The following WDFY4 variants were observed in gnomAD, a reference collection of about 807,000 sequenced individuals.
WDFY4 encodes the protein WD repeat- and FYVE domain-containing protein 4.
WDFY4 carries 169 observed loss-of-function variants against 351.9 expected under a neutral mutation model. The observed-to-expected ratio is 0.48, with a 90% CI of 0.42 to 0.55. The LOEUF (loss-of-function observed/expected upper bound fraction) is 0.55. Ranked by LOEUF, WDFY4 falls within the 20% of genes least tolerant of loss-of-function variation. The pLI is 0.00. For synonymous variants in WDFY4, 1,622 were observed against 1,574.6 expected (o/e 1.03, Z -0.71); for missense variants, 3,803 against 3,935.6 (o/e 0.97, Z 0.90).
At chr10:48,823,469 A>G in intron 35 of WDFY4, 2 of 1,187,050 alleles carry the variant, frequency 1.7e-6, no homozygotes, top group Non-Finnish European at 2.1e-6. Flanking sequence ...CTGACTGCAG[A>G]GTCACCCACA....
At chr10:48,971,386 C>T (rs1182379359) in intron 57 of WDFY4, among the ~76,000 whole-genome samples, 7 of 151,994 alleles carry the variant, frequency 4.6e-5, no homozygotes, top group African/African-American at 9.7e-5. Context: ...GTCCCATCTA[C>T]TCAGGAGACT....
At chr10:48,859,885 A>G (rs907001256) in intron 39 of WDFY4, among the ~76,000 whole-genome samples, 5 of 152,226 alleles carry the variant, frequency 3.3e-5, no homozygotes, top group Non-Finnish European at 7.4e-5. Flanking sequence ...TACAGCAGCT[A>G]TAAGGCTATG....
At chr10:48,978,438 C>T (rs1842670194) in intron 60 of WDFY4, 45 bp downstream of exon 60, 1 of 1,497,294 alleles carries the variant, frequency 6.7e-7, no homozygotes, top group East Asian at 2.5e-5. Context: ...CTTGCCCTGC[C>T]CTCCTCACCT....
chr10:48,689,728 G>T (rs771931135), intron 1 of WDFY4, among the ~76,000 whole-genome samples: 5 of 152,136 alleles, frequency 3.3e-5, no homozygotes, highest in Non-Finnish European at 5.9e-5. Flanking sequence ...ATGGATGAGA[G>T]GTAGGAGAAG....
chr10:48,851,780 C>T (rs1256887739), intron 39 of WDFY4, among the ~76,000 whole-genome samples: 1 of 152,212 alleles, frequency 6.6e-6, no homozygotes, highest in Admixed American at 6.5e-5. Context: ...GTGCCCCAGG[C>T]AAAGGTGGGT....
chr10:48,698,413 C>T (rs1002149945), intron 1 of WDFY4, among the ~76,000 whole-genome samples: 13 of 152,196 alleles, frequency 8.5e-5, no homozygotes, highest in African/African-American at 3.1e-4. Context: ...GTGGGTGGGC[C>T]TTGCCTGTGC....
intron 1 of WDFY4, among the ~76,000 whole-genome samples, chr10:48,685,395 C>G (rs531872890): frequency 5.3e-5 from 8 of 152,296 alleles, no homozygotes; most frequent in African/African-American, 1.9e-4. Context: ...GCGGAGAGAG[C>G]AGGCCGACAG....
intron 47 of WDFY4, chr10:48,913,440 T>C (rs777114763): frequency 6.2e-6 from 10 of 1,613,450 alleles, no homozygotes; most frequent in Admixed American, 5.0e-5. Flanking sequence ...TGAGATCAGA[T>C]TGGGAAAGAT....
chr10:48,751,571 T>C (rs973715033), intron 12 of WDFY4, among the ~76,000 whole-genome samples: 3 of 152,124 alleles, frequency 2.0e-5, no homozygotes, highest in African/African-American at 7.2e-5. Flanking sequence ...GACTGGTTGG[T>C]GCTAGTCCCT....
At chr10:48,792,421 G>A (rs2066715472) in intron 23 of WDFY4, among the ~76,000 whole-genome samples, 2 of 152,138 alleles carry the variant, frequency 1.3e-5, no homozygotes, top group African/African-American at 4.8e-5. Context: ...CTCTTTGCTG[G>A]TGTATTACTG....
intron 2 of WDFY4, among the ~76,000 whole-genome samples, chr10:48,711,047 C>T (rs563761935): frequency 1.1e-4 from 16 of 152,334 alleles, no homozygotes; most frequent in African/African-American, 3.1e-4. Context: ...CTACTTTTCA[C>T]GTTTGAAAGT....
intron 47 of WDFY4, among the ~76,000 whole-genome samples, chr10:48,931,453 C>T (rs1839999507): frequency 6.6e-6 from 1 of 152,208 alleles, no homozygotes; most frequent in Non-Finnish European, 1.5e-5. Flanking sequence ...CTCAGCCAGC[C>T]ACAGAGGGCC....
In WDFY4 at chr10:48,796,311, T is replaced by C; in HGVS notation, c.4271T>C (p.Leu1424Pro). ...TAACCTTTTCAGATAATGGCGTTTC[T>C]CCTGAGGAAGAAGGCCTCTCTCCTG... ...HICGYQIMAF[L>P]LRKKASLLNH... The change falls in exon 24 of 62, where the codon CTC becomes CCC. Residue 1424 changes from leucine to proline, a missense_variant. Transcript: ENST00000325239. The C allele has an allele frequency of 1.3e-6, 2 of 1,552,096 alleles. No homozygotes were observed. Among genetic ancestry groups the C allele is most frequent in the Non-Finnish European group, 1.7e-6 (2 of 1,147,008 alleles).
chr10:48,956,157 T>A (rs573848946), intron 51 of WDFY4, among the ~76,000 whole-genome samples: 2 of 152,272 alleles, frequency 1.3e-5, no homozygotes, highest in South Asian at 4.2e-4. Flanking sequence ...GCTGAAGAGT[T>A]TGACAATTCA....
At chr10:48,826,601 ACTGGAT>A (rs2068019920) in intron 35 of WDFY4, 64 bp from the exon 36 acceptor site, 3 of 1,227,500 alleles carry the variant, frequency 2.4e-6, no homozygotes, top group Non-Finnish European at 3.5e-6. Flanking sequence ...TTTGTGGTAA[ACTGGAT>A]CTGTATCTAA....
intron 47 of WDFY4, among the ~76,000 whole-genome samples, chr10:48,904,952 G>A (rs1837541544): frequency 6.6e-6 from 1 of 152,122 alleles, no homozygotes; most frequent in South Asian, 2.1e-4. Flanking sequence ...GCCACACATG[G>A]TTCCACGCAG....
chr10:48,694,623 C>T (rs973234706), intron 1 of WDFY4, among the ~76,000 whole-genome samples: 26 of 152,152 alleles, frequency 1.7e-4, no homozygotes, highest in African/African-American at 6.0e-4. Context: ...AGGACCGCTC[C>T]GTGAGACAAG....
At chr10:48,847,540 C>T (rs2068817797) in intron 39 of WDFY4, among the ~76,000 whole-genome samples, 1 of 152,002 alleles carries the variant, frequency 6.6e-6, no homozygotes, top group Admixed American at 6.6e-5. Flanking sequence ...TCTTGCCCTG[C>T]CTGAGGGGGT....
In WDFY4 at chr10:48,795,123, C is replaced by T. The variant is rs536841086; in HGVS notation, c.4258-1175C>T. Among the ~76,000 whole-genome samples the T allele has an allele frequency of 7.9e-5, 12 of 152,102 alleles. No homozygotes were observed. In the South Asian group the frequency reaches 2.5e-3, roughly 32 times the overall value. Reference sequence around the variant, plus strand: ...CCTTGAGATGGTGACCAGTAGGATCCAGAGACCAGGTAGATCGGAGACTCT... The same window carrying T: ...CCTTGAGATGGTGACCAGTAGGATCTAGAGACCAGGTAGATCGGAGACTCT... On this transcript the variant is annotated intron_variant, in intron 23 of 61. Coordinates refer to ENST00000325239, the MANE Select transcript of WDFY4 (RefSeq NM_001394531.1).
Sources: allele counts gnomAD v4.1 joint callset (sites outside exome capture counted in the v4.1 genomes callset), GRCh38; gene constraint gnomAD v4.1.1; transcripts MANE v1.5; gene names NCBI Gene and HGNC (gene_info 2026-07-23, HGNC 2026-07-21).